Variants in MTG1 observed in about 807,000 individuals in gnomAD.
The protein encoded by MTG1 is mitochondrial ribosome-associated GTPase 1.
A neutral mutation model predicts 39.5 loss-of-function variants in MTG1; 30 were observed. The ratio of observed to expected loss-of-function variants is 0.76; its 90% CI spans 0.57 to 1.03. The LOEUF (loss-of-function observed/expected upper bound fraction) is 1.03. Among genes scored for constraint, MTG1 ranks in the 50% least tolerant of loss-of-function variants. MTG1 has a pLI of 0.00. For missense variants in MTG1, 513 were observed against 447.4 expected, an observed-to-expected ratio of 1.15 and a Z score of -1.32; for synonymous variants, 217 against 179.0, an observed-to-expected ratio of 1.21 and a Z score of -1.69.
In MTG1 at chr10:133,399,562, C is replaced by T; in HGVS notation, c.454C>T (p.Pro152Ser). ...LEYCIMVIGV[P>S]NVGKSSLINS... ...GTACTGTATCATGGTCATTGGGGTC[C>T]CCAACGTGGGCAAGTCCTCCCTCAT... Residue 152 changes from proline to serine, a missense_variant, in exon 6 of 11, where the codon CCC (proline) becomes TCC (serine). Pro to Ser is a moderately conservative substitution (Grantham distance 74). Transcript: ENST00000317502. The T allele has an allele frequency of 6.2e-7, 1 of 1,614,202 alleles. No individual in the cohort carries two copies. Among genetic ancestry groups the T allele is most frequent in the Non-Finnish European group, 8.5e-7 (1 of 1,180,028 alleles).
intron 9 of MTG1, among the ~76,000 whole-genome samples, chr10:133,415,190 AGGGAGCGGAGCGGGAGC>A (rs1306353733): frequency 1.3e-5 from 2 of 151,934 alleles, no homozygotes; most frequent in African/African-American, 4.8e-5. Flanking sequence ...GGAGAGGGAG[AGGGAGCGGAGCGGGAGC>A]GGGAGAGGGA....
At chr10:133,396,077 G>A (rs1849778887) in intron 2 of MTG1, 86 bp from the exon 3 acceptor site, 6 of 1,210,134 alleles carry the variant, frequency 5.0e-6, no homozygotes, top group Non-Finnish European at 3.7e-6. Flanking sequence ...GAATTGGCAG[G>A]ATGTGATGAT....
At position 133,421,206 on chromosome 10, in the gene MTG1, G is replaced by A. The variant is rs1850227534; in HGVS notation, c.*1041G>A. On this transcript the variant is annotated 3_prime_UTR_variant, in exon 11 of 11. Coordinates refer to ENST00000317502, the MANE Select transcript of MTG1 (RefSeq NM_138384.4). ...TACCCCACACACTCATCAGCCTGAAGTTAGCCCCTGAGTGCCACCTGCATC... is the reference window on the plus strand; with the variant it reads ...TACCCCACACACTCATCAGCCTGAAATTAGCCCCTGAGTGCCACCTGCATC... 6.6e-6 allele frequency: 1 copy of A among 152,620 alleles called. No individual in the cohort carries two copies. The highest frequency in any genetic ancestry group is 1.5e-5 in the Non-Finnish European group (1 of 68,180). The allele number at this position is 152,620 out of a possible 1,614,324, so 9.5% of individuals were successfully genotyped here. A position where few individuals can be genotyped will look rare whatever the true frequency, so the allele number is the denominator to read the frequency against.
At chr10:133,406,327 G>A (rs533458382) in intron 9 of MTG1, among the ~76,000 whole-genome samples, 25 of 152,106 alleles carry the variant, frequency 1.6e-4, no homozygotes, top group African/African-American at 4.1e-4. Context: ...GGGTCTTGCC[G>A]TGCCGTCCAG....
intron 1 of MTG1, 30 bp downstream of exon 1, chr10:133,394,362 T>C (rs925410386): frequency 2.4e-5 from 35 of 1,442,034 alleles, no homozygotes; most frequent in South Asian, 1.4e-5. Flanking sequence ...GGCAAGGTCA[T>C]GCCTACGGCC....
At chr10:133,401,361 G>C (rs1232845423) in intron 6 of MTG1, 168 bp from the exon 7 acceptor site, 2 of 536,628 alleles carry the variant, frequency 3.7e-6, no homozygotes, top group Non-Finnish European at 6.4e-6. Context: ...TTCCATTTTG[G>C]CCAGATATGT....
intron 9 of MTG1, among the ~76,000 whole-genome samples, chr10:133,411,446 G>T (rs1384990587): frequency 2.0e-5 from 3 of 152,140 alleles, no homozygotes; most frequent in African/African-American, 7.2e-5. Context: ...AATCTGTTTG[G>T]TGATCTCTGA....
At chr10:133,409,043 C>G (rs1245283082) in intron 9 of MTG1, among the ~76,000 whole-genome samples, 1 of 150,426 alleles carries the variant, frequency 6.6e-6, no homozygotes, top group Non-Finnish European at 1.5e-5. Context: ...TATTTCTGCT[C>G]TGGTCTCCTG....
Position 133,395,045 on chromosome 10 carries a change from C to T in MTG1, c.113-668C>T, listed in dbSNP as rs147998093. ...GTTAGGGGACTATCGTCATCATCCC[C>T]GCGAGGTAGCAGGGGCCTAATGAGC... is the stretch of plus-strand genomic sequence containing the variant. On this transcript the variant is annotated intron_variant, in intron 1 of 10. Coordinates refer to ENST00000317502, the MANE Select transcript of MTG1 (RefSeq NM_138384.4). Among the ~76,000 whole-genome samples, 722 of 152,266 alleles carry T rather than the reference C, an allele frequency of 4.7e-3. 7 individuals carry two copies. The highest frequency in any genetic ancestry group is 0.017 in the Middle Eastern group (5 of 294).
chr10:133,394,635 C>T (rs1037591616), intron 1 of MTG1: 2 of 1,234,404 alleles, frequency 1.6e-6, no homozygotes, highest in African/African-American at 1.6e-5. Flanking sequence ...CCAGCAAGTT[C>T]CTTCTGCCCT....
intron 3 of MTG1, 112 bp from the exon 4 acceptor site, chr10:133,398,323 C>T (rs1316437449): frequency 1.0e-6 from 1 of 991,550 alleles, no homozygotes; most frequent in Non-Finnish European, 1.5e-6. Context: ...TCGCTTGAAC[C>T]AGGGAGGCGG....
chr10:133,397,779 G>GTTTTTTTTT (rs35859911), intron 3 of MTG1, among the ~76,000 whole-genome samples: 2 of 139,484 alleles, frequency 1.4e-5, no homozygotes, highest in Admixed American at 7.1e-5. Flanking sequence ...CGTCCAGCCT[G>GTTTTTTTTT]TTTTTTTTTT....
chr10:133,395,645 T>TGG, intron 1 of MTG1, 68 bp from the exon 2 acceptor site: 1 of 1,484,610 alleles, frequency 6.7e-7, no homozygotes, highest in African/African-American at 1.4e-5. Context: ...TTCTGGACGG[T>TGG]TCAGCTTGAA....
chr10:133,400,669 A>G (rs1849861561), intron 6 of MTG1, among the ~76,000 whole-genome samples: 1 of 152,180 alleles, frequency 6.6e-6, no homozygotes, highest in Non-Finnish European at 1.5e-5. Context: ...AGTGGTATTA[A>G]GTGCATTTAT....
intron 2 of MTG1, 25 bp downstream of exon 2, chr10:133,395,802 G>T (rs767260178): frequency 1.2e-6 from 2 of 1,609,092 alleles, no homozygotes; most frequent in Non-Finnish European, 1.7e-6. Flanking sequence ...AGCAGGGGAG[G>T]CCCCTCTGCC....
rs925436051 is a variant in MTG1 at position 133,402,554 on chromosome 10, G to T, written c.671-138G>T. ...ACCACAGCCGAGTGCCGTCCTCTTG[G>T]TTAGTGTCTTTGTCAGTGGCTGGCC... On this transcript the variant is annotated intron_variant, in intron 8 of 10. Transcript: ENST00000317502. This position sits in a 1 kb window ranked among gnomAD's most constrained non-coding sequence, Gnocchi z 4.7. 1.2e-6 allele frequency: 1 copy of T among 821,942 alleles called. No individual in the cohort carries two copies. Among genetic ancestry groups the T allele is most frequent in the African/African-American group, 1.7e-5 (1 of 58,454 alleles). The allele number at this position is 821,942 out of a possible 1,614,324, so 50.9% of individuals were successfully genotyped here.
chr10:133,418,224 G>C (rs1850165401), intron 9 of MTG1, among the ~76,000 whole-genome samples: 1 of 152,202 alleles, frequency 6.6e-6, no homozygotes. Flanking sequence ...ACAGGCTGGT[G>C]TCGAACTCCT....
At chr10:133,406,739 C>T (rs1218194427) in intron 9 of MTG1, among the ~76,000 whole-genome samples, 3 of 145,160 alleles carry the variant, frequency 2.1e-5, no homozygotes, top group East Asian at 2.1e-4. Flanking sequence ...GATCTCGGCT[C>T]GCTGCAACCC....
At chr10:133,401,084 C>A (rs751073055) in intron 6 of MTG1, among the ~76,000 whole-genome samples, 1 of 152,194 alleles carries the variant, frequency 6.6e-6, no homozygotes, top group Non-Finnish European at 1.5e-5. Flanking sequence ...AGCAGCCAGT[C>A]GCCTGTGGAC....
Sources: allele counts gnomAD v4.1 joint callset (sites outside exome capture counted in the v4.1 genomes callset), GRCh38; gene constraint gnomAD v4.1.1; non-coding constraint Gnocchi (gnomAD v3.1); transcripts MANE v1.5; gene names NCBI Gene and HGNC (gene_info 2026-07-23, HGNC 2026-07-21).